PEAK1: variants seen among roughly 807,000 people sequenced by gnomAD.
PEAK1 encodes the protein pseudopodium enriched atypical kinase 1.
A neutral mutation model predicts 124.7 loss-of-function variants in PEAK1; 54 were observed. The ratio of observed to expected loss-of-function variants is 0.43; its 90% CI spans 0.35 to 0.54. The LOEUF is 0.54. Among genes scored for constraint, PEAK1 ranks in the 20% least tolerant of loss-of-function variants. The pLI is 0.01. For synonymous variants in PEAK1, 719 were observed against 760.0 expected (o/e 0.95, Z 0.89); for missense variants, 2,046 against 2,134.5 (o/e 0.96, Z 0.82).
At chr15:77,302,475 T>C (rs1374387236) in intron 2 of PEAK1, among the ~76,000 whole-genome samples, 1 of 152,178 alleles carries the variant, frequency 6.6e-6, no homozygotes, top group Non-Finnish European at 1.5e-5. Context: ...GCCACCCATT[T>C]TCTTAATTGT....
intron 1 of PEAK1, chr15:77,401,743 G>A (rs2071393415): frequency 2.0e-6 from 2 of 985,090 alleles, no homozygotes; most frequent in Non-Finnish European, 2.4e-6. Flanking sequence ...AAAGGTGCCA[G>A]TTTTACTTTC....
chr15:77,269,443 A>T lies in PEAK1; in HGVS notation c.-275+14440T>A, dbSNP rs561764791. 1.4e-4 allele frequency among the ~76,000 whole-genome samples: 22 copies of T among 152,322 alleles called. No homozygotes were observed. The South Asian group carries it at 4.6e-3, about 32-fold the overall frequency. On this transcript the variant is annotated intron_variant, in intron 5 of 9. Coordinates refer to ENST00000682557, the MANE Select transcript of PEAK1 (RefSeq NM_001385026.1). ...AAAGAGAGATACTACATAATGATAAAAGGTCTAATACAACAGGAAAGTATC... is the reference window on the plus strand; with the variant it reads ...AAAGAGAGATACTACATAATGATAATAGGTCTAATACAACAGGAAAGTATC...
At chr15:77,151,155 C>T (rs982879152) in intron 8 of PEAK1, among the ~76,000 whole-genome samples, 4 of 152,140 alleles carry the variant, frequency 2.6e-5, no homozygotes, top group Admixed American at 2.0e-4. Flanking sequence ...CCTGTTTCTC[C>T]ACATCCTCTC....
chr15:77,388,582 G>A (rs184035237), intron 1 of PEAK1, among the ~76,000 whole-genome samples: 14 of 152,220 alleles, frequency 9.2e-5, no homozygotes, highest in South Asian at 6.2e-4. Context: ...TCTTCTCTCC[G>A]TGTATCAAAC....
chr15:77,179,480 CG>C lies in PEAK1; in HGVS notation c.2446del (p.Arg816GlyfsTer33). 1 of 1,613,988 alleles carries C rather than the reference CG, an allele frequency of 6.2e-7. No individual in the cohort carries two copies. Among genetic ancestry groups the C allele is most frequent in the Non-Finnish European group, 8.5e-7 (1 of 1,179,988 alleles). On this transcript the variant is annotated frameshift_variant, in exon 7 of 10. Transcript: ENST00000682557. LOFTEE classifies it high-confidence loss of function. ...AKSTPKSTPV[R>X]PKSLFTSQPS... Reference sequence around the variant, plus strand: ...CTGAGATGTAAAGAGAGATTTGGGCCGGACTGGCGTACTCTTAGGTGTGCTC... The same window carrying C: ...CTGAGATGTAAAGAGAGATTTGGGCCGACTGGCGTACTCTTAGGTGTGCTC...
chr15:77,183,019 G>A (rs570437932), intron 6 of PEAK1, among the ~76,000 whole-genome samples: 1 of 152,058 alleles, frequency 6.6e-6, no homozygotes, highest in African/African-American at 2.4e-5. Flanking sequence ...ATAGATGAAG[G>A]GGGGAAGAAG....
At chr15:77,389,267 T>G (rs2070246457) in intron 1 of PEAK1, among the ~76,000 whole-genome samples, 1 of 152,184 alleles carries the variant, frequency 6.6e-6, no homozygotes, top group African/African-American at 2.4e-5. Context: ...TTTTTTTAGT[T>G]GTATCATTTA....
At chr15:77,205,434 C>A (rs1258352530) in intron 6 of PEAK1, among the ~76,000 whole-genome samples, 1 of 152,018 alleles carries the variant, frequency 6.6e-6, no homozygotes, top group Non-Finnish European at 1.5e-5. Flanking sequence ...TCCTATAATA[C>A]AAAGCATACT....
At chr15:77,287,579 T>A (rs896303884) in intron 2 of PEAK1, among the ~76,000 whole-genome samples, 1 of 152,076 alleles carries the variant, frequency 6.6e-6, no homozygotes, top group African/African-American at 2.4e-5. Flanking sequence ...TCTTTTTCCC[T>A]TTCCTCCTAG....
intron 1 of PEAK1, among the ~76,000 whole-genome samples, chr15:77,409,771 T>C (rs1258711506): frequency 6.6e-6 from 1 of 152,214 alleles, no homozygotes; most frequent in Non-Finnish European, 1.5e-5. Context: ...TTAGCATTTT[T>C]AGAATAACAG....
intron 7 of PEAK1, among the ~76,000 whole-genome samples, chr15:77,160,630 C>T (rs1276908694): frequency 6.6e-6 from 1 of 152,096 alleles, no homozygotes; most frequent in South Asian, 2.1e-4. Flanking sequence ...GAGCCGAGAT[C>T]GTGCCACTGC....
chr15:77,337,655 A>G (rs1420931670), intron 2 of PEAK1: 7 of 985,332 alleles, frequency 7.1e-6, no homozygotes, highest in Admixed American at 6.1e-5. Context: ...GAAATCTAAA[A>G]CCATGGCATA....
chr15:77,151,052 G>C (rs1257615668), intron 8 of PEAK1, among the ~76,000 whole-genome samples: 1 of 152,046 alleles, frequency 6.6e-6, no homozygotes, highest in East Asian at 1.9e-4. Context: ...TGGGTCAAAT[G>C]GTATTTCTAG....
intron 2 of PEAK1, among the ~76,000 whole-genome samples, chr15:77,311,581 G>C (rs2064448655): frequency 6.6e-6 from 1 of 150,630 alleles, no homozygotes; most frequent in Admixed American, 6.6e-5. Context: ...CTGAGGCAGG[G>C]AGAATTGCTT....
At chr15:77,350,440 C>A in intron 2 of PEAK1, 1 of 985,316 alleles carries the variant, frequency 1.0e-6, no homozygotes, top group Non-Finnish European at 1.2e-6. Context: ...AGCAAGCTTT[C>A]CACTGAATTA....
intron 1 of PEAK1, chr15:77,418,772 G>A (rs2073097585): frequency 1.0e-6 from 1 of 985,130 alleles, no homozygotes; most frequent in African/African-American, 1.7e-5. Context: ...CCACACTGCA[G>A]AGAGCAATAT....
At chr15:77,317,679 A>G (rs928613271) in intron 2 of PEAK1, among the ~76,000 whole-genome samples, 3 of 152,240 alleles carry the variant, frequency 2.0e-5, no homozygotes, top group African/African-American at 7.2e-5. Flanking sequence ...GTTCAGCAAC[A>G]AATTATCAAA....
intron 8 of PEAK1, among the ~76,000 whole-genome samples, chr15:77,154,683 G>A (rs1168015303): frequency 6.6e-6 from 1 of 152,042 alleles, no homozygotes; most frequent in African/African-American, 2.4e-5. Flanking sequence ...CAGGCCTGGT[G>A]GTGACAAAAT....
Position 77,180,411 on chromosome 15 carries a change from T to C in PEAK1, c.1516A>G (p.Asn506Asp), listed in dbSNP as rs763313941. The C allele has an allele frequency of 1.6e-5, 26 of 1,613,940 alleles. No individual in the cohort carries two copies. The highest frequency in any genetic ancestry group is 6.7e-5 in the Admixed American group (4 of 59,994). ...AATGAAGATGATGTAACTGGAGAGTTTGGAGTAGAGGATGAGCTTTTTGTC... is the reference window on the plus strand; with the variant it reads ...AATGAAGATGATGTAACTGGAGAGTCTGGAGTAGAGGATGAGCTTTTTGTC... ...PKTKSSSSTP[N>D]SPVTSSSLTP... Residue 506 changes from asparagine to aspartate, a missense_variant, in exon 7 of 10, where the codon AAC becomes GAC. By Grantham distance (23) the Asn-to-Asp change is conservative. Transcript: ENST00000682557.
Sources: allele counts gnomAD v4.1 joint callset (sites outside exome capture counted in the v4.1 genomes callset), GRCh38; gene constraint gnomAD v4.1.1; transcripts MANE v1.5; gene names NCBI Gene and HGNC (gene_info 2026-07-23, HGNC 2026-07-21).